Variants in ATF3 observed in about 807,000 individuals in gnomAD.
The protein encoded by ATF3 is activating transcription factor 3.
A neutral mutation model predicts 18.4 loss-of-function variants in ATF3; 10 were observed. The ratio of observed to expected loss-of-function variants is 0.54; its 90% CI spans 0.34 to 0.92. The LOEUF (loss-of-function observed/expected upper bound fraction) is 0.92. Among genes scored for constraint, ATF3 ranks in the 40% least tolerant of loss-of-function variants. The pLI is 0.02. For synonymous variants in ATF3, 78 were observed against 87.9 expected, an observed-to-expected ratio of 0.89 and a Z score of 0.63; for missense variants, 183 against 222.3, an observed-to-expected ratio of 0.82 and a Z score of 1.12.
chr1:212,588,411 G>A (rs1196066557), intron 1 of ATF3, among the ~76,000 whole-genome samples: 1 of 150,774 alleles, frequency 6.6e-6, no homozygotes, highest in African/African-American at 2.4e-5. Context: ...TCACCCTAGG[G>A]TGTCACCACC....
Position 212,619,311 on chromosome 1 carries a change from A to G in ATF3, c.349-47A>G. The G allele has an allele frequency of 6.2e-7, 1 of 1,611,924 alleles. No individual in the cohort carries two copies. Among genetic ancestry groups the G allele is most frequent in the Non-Finnish European group, 8.5e-7 (1 of 1,179,932 alleles). ...CAGCAGCCCAGGCCACCCCCTCCTC[A>G]CTGGCCCTTGGCTCCTTTCTTGATG... On this transcript the variant is annotated intron_variant, in intron 3 of 3. Coordinates refer to ENST00000341491, the MANE Select transcript of ATF3 (RefSeq NM_001674.4). This position sits in a 1 kb window ranked among gnomAD's most constrained non-coding sequence, Gnocchi z 4.4.
chr1:212,572,451 G>A (rs547999304), intron 1 of ATF3, among the ~76,000 whole-genome samples: 5 of 152,238 alleles, frequency 3.3e-5, no homozygotes, highest in South Asian at 2.1e-4. Flanking sequence ...CCCGGGAGGC[G>A]GAGGTTGCAG....
rs964773461 is a variant in ATF3, at chr1:212,619,910, C to T, written c.*355C>T. On this transcript the variant is annotated 3_prime_UTR_variant, in exon 4 of 4. Coordinates refer to ENST00000341491, the MANE Select transcript of ATF3 (RefSeq NM_001674.4). This position sits in a 1 kb window ranked among gnomAD's most constrained non-coding sequence, Gnocchi z 4.4. Reference sequence around the variant, plus strand: ...GATTCAGGCAGCAGTGTCTGTACCTCGGGTGGGAGGGATGGGGCCATCTCC... The same window carrying T: ...GATTCAGGCAGCAGTGTCTGTACCTTGGGTGGGAGGGATGGGGCCATCTCC... The T allele has an allele frequency of 7.1e-6, 2 of 282,572 alleles. No homozygotes were observed. Among genetic ancestry groups the T allele is most frequent in the Non-Finnish European group, 1.4e-5 (2 of 144,152 alleles). The allele number at this position is 282,572 out of a possible 1,614,324, so 17.5% of individuals were successfully genotyped here.
At chr1:212,588,626 A>C (rs35365961) in intron 1 of ATF3, among the ~76,000 whole-genome samples, 28,827 of 112,688 alleles carry the variant, frequency 0.26, 2,968 homozygotes, top group Middle Eastern at 0.33. Context: ...TATAATGAAA[A>C]AACAACAACC....
At chr1:212,576,284 A>G (rs1353585030) in intron 1 of ATF3, among the ~76,000 whole-genome samples, 2 of 151,786 alleles carry the variant, frequency 1.3e-5, no homozygotes, top group Non-Finnish European at 2.9e-5. Flanking sequence ...CACTGTATCT[A>G]TTTCTATCCC....
intron 1 of ATF3, among the ~76,000 whole-genome samples, chr1:212,590,117 T>A (rs536873907): frequency 1.3e-5 from 2 of 152,324 alleles, no homozygotes; most frequent in African/African-American, 4.8e-5. Context: ...TTTGGTTGCA[T>A]GTTGAAAGAC....
chr1:212,589,476 G>T (rs1664841467), intron 1 of ATF3, among the ~76,000 whole-genome samples: 1 of 152,002 alleles, frequency 6.6e-6, no homozygotes, highest in Non-Finnish European at 1.5e-5. Flanking sequence ...ACCCATAGAA[G>T]AACTAAATTA....
chr1:212,587,788 G>A (rs1471387641), intron 1 of ATF3, among the ~76,000 whole-genome samples: 1 of 152,154 alleles, frequency 6.6e-6, no homozygotes, highest in Non-Finnish European at 1.5e-5. Context: ...TAACTCTGCA[G>A]GGATTTAAAA....
At chr1:212,608,176 C>T (rs538125803), upstream of ATF3, among the ~76,000 whole-genome samples, 11 of 152,368 alleles carry the variant, frequency 7.2e-5, no homozygotes, top group Non-Finnish European at 4.4e-5. Context: ...GCTTCTGCCC[C>T]TACTCCGCCC....
At chr1:212,605,658 G>A (rs1654603798), upstream of ATF3, among the ~76,000 whole-genome samples, 1 of 152,230 alleles carries the variant, frequency 6.6e-6, no homozygotes, top group South Asian at 2.1e-4. Flanking sequence ...TTGGCTCCCT[G>A]CAATGTTTTT....
At chr1:212,571,386 T>C (rs1664476920) in intron 1 of ATF3, among the ~76,000 whole-genome samples, 1 of 152,162 alleles carries the variant, frequency 6.6e-6, no homozygotes, top group Non-Finnish European at 1.5e-5. Context: ...AACAATGCAT[T>C]AAATAATACT....
upstream of ATF3, among the ~76,000 whole-genome samples, chr1:212,607,442 G>A (rs1056162945): frequency 3.3e-5 from 5 of 152,204 alleles, no homozygotes; most frequent in South Asian, 2.1e-4. Context: ...GCCGCTCTCT[G>A]AGCAGAAATT....
intron 1 of ATF3, among the ~76,000 whole-genome samples, chr1:212,579,493 T>C (rs1329907295): frequency 6.6e-6 from 1 of 152,226 alleles, no homozygotes; most frequent in African/African-American, 2.4e-5. Context: ...ATGGCTAACA[T>C]GTCAAAAACT....
At chr1:212,598,968 G>C (rs1654400241) in intron 1 of ATF3, among the ~76,000 whole-genome samples, 1 of 152,114 alleles carries the variant, frequency 6.6e-6, no homozygotes, top group Non-Finnish European at 1.5e-5. Context: ...TTTCTTTTGG[G>C]TATATACTCA....
At chr1:212,568,738 G>A (rs1274883273) in intron 1 of ATF3, among the ~76,000 whole-genome samples, 1 of 152,068 alleles carries the variant, frequency 6.6e-6, no homozygotes, top group African/African-American at 2.4e-5. Flanking sequence ...CTCCGATGGG[G>A]GTAAATACAG....
intron 1 of ATF3, among the ~76,000 whole-genome samples, chr1:212,577,455 A>G (rs143023976): frequency 5.3e-5 from 8 of 152,182 alleles, no homozygotes; most frequent in Admixed American, 1.3e-4. Context: ...CAAGAATACA[A>G]TATATTGTTA....
At chr1:212,577,802 C>G (rs770229006) in intron 1 of ATF3, among the ~76,000 whole-genome samples, 1 of 152,074 alleles carries the variant, frequency 6.6e-6, no homozygotes. Context: ...GTACATATAC[C>G]ACATTTTCTC....
At chr1:212,573,120 G>T (rs1664514512) in intron 1 of ATF3, among the ~76,000 whole-genome samples, 1 of 151,982 alleles carries the variant, frequency 6.6e-6, no homozygotes, top group Admixed American at 6.6e-5. Context: ...TTTTATAAGT[G>T]CCCTATTTCA....
chr1:212,618,718 A>T lies in ATF3; in HGVS notation c.348+484A>T. ...ACTCTAGAGCCCTTCTCCCTGGCTT[A>T]GCCAGTAAGCTGAGCCCCTGGCTGC... On this transcript the variant is annotated intron_variant, in intron 3 of 3. Coordinates refer to ENST00000341491, the MANE Select transcript of ATF3 (RefSeq NM_001674.4). This position sits in a 1 kb window ranked among gnomAD's most constrained non-coding sequence, Gnocchi z 4.4. 1 of 472,824 alleles carries T rather than the reference A, an allele frequency of 2.1e-6. No individual in the cohort carries two copies. Among genetic ancestry groups the T allele is most frequent in the Non-Finnish European group, 3.9e-6 (1 of 258,270 alleles). The allele number at this position is 472,824 out of a possible 1,614,324, so 29.3% of individuals were successfully genotyped here.
Sources: gnomAD v4.1 joint callset for allele counts (sites outside exome capture counted in the v4.1 genomes callset) on GRCh38, gnomAD v4.1.1 for gene constraint, Gnocchi (gnomAD v3.1) non-coding constraint, MANE v1.5 for transcripts, NCBI Gene and HGNC (gene_info 2026-07-23, HGNC 2026-07-21) for gene names.